Variants in PATJ observed in about 807,000 individuals in gnomAD.
PATJ encodes PATJ crumbs cell polarity complex component, also known as inaD-like protein.
Under a neutral mutation model 224.9 loss-of-function variants are expected in PATJ, and 190 were observed. That is an observed-to-expected ratio of 0.84 (90% CI 0.75 to 0.95). The LOEUF (loss-of-function observed/expected upper bound fraction) is 0.95. PATJ is among the 40% of genes least tolerant of loss of function. PATJ has a pLI of 0.00. For synonymous variants in PATJ, 769 were observed against 820.3 expected (o/e 0.94, Z 1.07); for missense variants, 2,121 against 2,270.3 (o/e 0.93, Z 1.34).
In PATJ at chr1:61,920,413, G is replaced by C. The variant is rs184509783; in HGVS notation, c.3570+5749G>C. Among the ~76,000 whole-genome samples, 12 of 152,014 alleles carry C rather than the reference G, an allele frequency of 7.9e-5. 1 individual carries two copies. The East Asian group carries it at 2.1e-3, about 27-fold the overall frequency. Reference sequence around the variant, plus strand: ...TTCCCTGCACAAGCTCTCTCTCTTTGCCTGCCACCATCCACATAAGAGGTG... The same window carrying C: ...TTCCCTGCACAAGCTCTCTCTCTTTCCCTGCCACCATCCACATAAGAGGTG... On this transcript the variant is annotated intron_variant, in intron 26 of 43. Coordinates refer to ENST00000642238, the MANE Select transcript of PATJ (RefSeq NM_001350145.3).
At chr1:62,006,142 C>T (rs1646080577) in intron 28 of PATJ, among the ~76,000 whole-genome samples, 2 of 152,028 alleles carry the variant, frequency 1.3e-5, no homozygotes, top group African/African-American at 4.8e-5. Context: ...GAGACGCAGT[C>T]TTGCTCTGTC....
Position 62,162,863 on chromosome 1 carries a change from C to A in PATJ, c.*1809C>A. 2 of 296,018 alleles carry A rather than the reference C, an allele frequency of 6.8e-6. No homozygotes were observed. Among genetic ancestry groups the A allele is most frequent in the Non-Finnish European group, 6.7e-6 (1 of 149,434 alleles). 18.3% of individuals were successfully genotyped at this position (296,018 alleles called of 1,614,324 possible). ...TCCGGAGGTTGAAGCAGGAAAATTG[C>A]TTGAACCTGGGAGGTGGAGGTTGCA... On this transcript the variant is annotated 3_prime_UTR_variant, in exon 44 of 44. Coordinates refer to ENST00000642238, the MANE Select transcript of PATJ (RefSeq NM_001350145.3).
At chr1:62,104,266 T>G (rs1662602860) in intron 33 of PATJ, among the ~76,000 whole-genome samples, 1 of 152,200 alleles carries the variant, frequency 6.6e-6, no homozygotes, top group Non-Finnish European at 1.5e-5. Flanking sequence ...ATTTTTAATT[T>G]AAAGTAATAA....
intron 33 of PATJ, among the ~76,000 whole-genome samples, chr1:62,088,869 CAT>C (rs34546051): frequency 4.8e-3 from 686 of 143,300 alleles, no homozygotes; most frequent in African/African-American, 0.015. Context: ...ATATATAGAA[CAT>C]ATATATATAT....
intron 32 of PATJ, among the ~76,000 whole-genome samples, chr1:62,082,939 T>C (rs1417401836): frequency 6.6e-6 from 1 of 152,214 alleles, no homozygotes; most frequent in South Asian, 2.1e-4. Context: ...GAGCCCTCTC[T>C]CATCAGCCCT....
rs376859624 is a variant in PATJ, at chr1:62,057,771, G to A, written c.4125+6713G>A. 1.8e-4 allele frequency among the ~76,000 whole-genome samples: 27 copies of A among 152,284 alleles called. 1 individual carries two copies. In the East Asian group the frequency reaches 4.4e-3, roughly 25 times the overall value. ...AAGCTTTCCTCTGAATGCAGGTTTA[G>A]AGCTATTTAAATGGCAAATGCCATA... On this transcript the variant is annotated intron_variant, in intron 31 of 43. Coordinates refer to ENST00000642238, the MANE Select transcript of PATJ (RefSeq NM_001350145.3).
intron 29 of PATJ, among the ~76,000 whole-genome samples, chr1:62,034,071 C>T (rs1477400274): frequency 6.6e-6 from 1 of 152,180 alleles, no homozygotes; most frequent in Non-Finnish European, 1.5e-5. Flanking sequence ...ATTATAAAAA[C>T]ACCCACAAAC....
Position 61,746,483 on chromosome 1 carries a change from A to G in PATJ, c.-36+3928A>G, listed in dbSNP as rs76618623. Among the ~76,000 whole-genome samples, 1,046 of 152,328 alleles carry G rather than the reference A, an allele frequency of 6.9e-3. 16 individuals carry two copies. The highest frequency in any genetic ancestry group is 0.024 in the African/African-American group (1,008 of 41,582). ...ATGAAAGGAGGGGCAGGAGAGTGTCAGAGATATTTCTGGGGACTGCTTCTG... is the reference window on the plus strand; with the variant it reads ...ATGAAAGGAGGGGCAGGAGAGTGTCGGAGATATTTCTGGGGACTGCTTCTG... On this transcript the variant is annotated intron_variant, in intron 1 of 43. Transcript: ENST00000642238.
intron 27 of PATJ, among the ~76,000 whole-genome samples, chr1:61,978,693 C>T (rs1433027598): frequency 1.3e-5 from 2 of 151,848 alleles, no homozygotes; most frequent in Non-Finnish European, 1.5e-5. Context: ...GTTTATTATA[C>T]CTGATTTTTT....
chr1:61,812,709 CATG>C (rs1655124167), intron 14 of PATJ, among the ~76,000 whole-genome samples: 1 of 151,850 alleles, frequency 6.6e-6, no homozygotes, highest in Non-Finnish European at 1.5e-5. Flanking sequence ...ATTAGCCAGG[CATG>C]GTGGTGGGTG....
At chr1:61,886,562 G>A (rs906744930) in intron 22 of PATJ, among the ~76,000 whole-genome samples, 118 of 152,052 alleles carry the variant, frequency 7.8e-4, no homozygotes, top group African/African-American at 2.7e-3. Flanking sequence ...GCTCATGCCT[G>A]TAATCCCAGC....
chr1:62,055,075 A>G (rs554348904), intron 31 of PATJ, among the ~76,000 whole-genome samples: 1 of 152,244 alleles, frequency 6.6e-6, no homozygotes, highest in African/African-American at 2.4e-5. Context: ...AAAAAAATTT[A>G]AGTTTTTTTC....
At chr1:61,952,523 G>A (rs1383305065) in intron 27 of PATJ, 5 of 684,062 alleles carry the variant, frequency 7.3e-6, no homozygotes, top group African/African-American at 7.0e-5. Flanking sequence ...GTAAGCCAAG[G>A]CATTTTTCTT....
intron 31 of PATJ, among the ~76,000 whole-genome samples, chr1:62,061,691 A>G (rs2498978): frequency 0.45 from 67,696 of 150,020 alleles, 15,427 homozygotes; most frequent in African/African-American, 0.55. Context: ...ATGGAGTCTC[A>G]CTCTGTGGCC....
At chr1:62,089,583 G>A (rs79706480) in intron 33 of PATJ, among the ~76,000 whole-genome samples, 17 of 152,188 alleles carry the variant, frequency 1.1e-4, no homozygotes, top group African/African-American at 3.6e-4. Context: ...AGGCCTGTCT[G>A]TCATTTCAGT....
chr1:61,743,253 C>T (rs1277972309), intron 1 of PATJ, among the ~76,000 whole-genome samples: 3 of 152,244 alleles, frequency 2.0e-5, no homozygotes, highest in Non-Finnish European at 2.9e-5. Context: ...TTCCTGGACT[C>T]CTGCTTTTAA....
chr1:61,884,396 C>T lies in PATJ; in HGVS notation c.3119C>T (p.Ala1040Val). Residue 1040 changes from alanine to valine, a missense_variant, in exon 22 of 44, where the codon GCC (alanine) becomes GTC (valine). Physicochemically the swap from Ala to Val is moderately conservative, Grantham distance 64 (BLOSUM62 0). Transcript: ENST00000642238. ...ACAGGAATGTTGTCTTCTAGATATG[C>T]CACTGATACATGGTATGATATCATT... ...AYTGMLSSRY[A>V]TDTCELPERE... 1 of 1,596,968 alleles carries T rather than the reference C, an allele frequency of 6.3e-7. No homozygotes were observed. The highest frequency in any genetic ancestry group is 8.5e-7 in the Non-Finnish European group (1 of 1,171,870).
chr1:61,751,995 C>G (rs1645358815), intron 1 of PATJ, among the ~76,000 whole-genome samples: 1 of 151,594 alleles, frequency 6.6e-6, no homozygotes, highest in African/African-American at 2.4e-5. Context: ...AAAATTAGCC[C>G]AGCGTGGTGG....
rs377489788 is a variant in PATJ at position 62,144,777 on chromosome 1, A to AAAAAAAAT, written c.5272-3506_5272-3505insAAAAAATA. Among the ~76,000 whole-genome samples the AAAAAAAAT allele has an allele frequency of 2.5e-5, 3 of 119,102 alleles. No homozygotes were observed. The South Asian group carries it at 8.0e-4, about 32-fold the overall frequency. 78.1% of individuals were successfully genotyped at this position (119,102 alleles called of 152,430 possible). A position where few individuals can be genotyped will look rare whatever the true frequency, so the allele number is the denominator to read the frequency against. Reference sequence around the variant, plus strand: ...TAGAATGTTATTTGCAAAAAAAAAAAATATATATATATATATATAATTAGC... The same window carrying AAAAAAAAT: ...TAGAATGTTATTTGCAAAAAAAAAAAAAAAAAATATATATATATATATATATAATTAGC... On this transcript the variant is annotated intron_variant, in intron 41 of 43. Transcript: ENST00000642238.
Sources: allele counts gnomAD v4.1 joint callset (sites outside exome capture counted in the v4.1 genomes callset), GRCh38; gene constraint gnomAD v4.1.1; transcripts MANE v1.5; gene names NCBI Gene and HGNC (gene_info 2026-07-23, HGNC 2026-07-21).